RIN2: variants seen among roughly 807,000 people sequenced by gnomAD.
RIN2 encodes the protein RAB5 interacting protein 2.
RIN2 carries 36 observed loss-of-function variants against 78.0 expected under a neutral mutation model. The ratio of observed to expected loss-of-function variants is 0.46; its 90% CI spans 0.35 to 0.61. RIN2 has a LOEUF of 0.61. Among genes scored for constraint, RIN2 ranks in the 20% least tolerant of loss-of-function variants. The pLI is 0.00. For synonymous variants in RIN2, 466 were observed against 466.8 expected (o/e 1.00, Z 0.02); for missense variants, 1,087 against 1,159.7 (o/e 0.94, Z 0.91).
chr20:19,911,481 T>G (rs1015472775), intron 3 of RIN2, among the ~76,000 whole-genome samples: 1 of 152,204 alleles, frequency 6.6e-6, no homozygotes, highest in African/African-American at 2.4e-5. Flanking sequence ...TATCTCTAAA[T>G]CCTCCTTGTG....
chr20:19,828,556 C>T (rs563150473), intron 2 of RIN2, among the ~76,000 whole-genome samples: 3 of 152,322 alleles, frequency 2.0e-5, no homozygotes, highest in African/African-American at 7.2e-5. Context: ...ATCCTGTCAT[C>T]ACAGTAGCCC....
chr20:19,980,303 C>T (rs2042406570), intron 9 of RIN2, among the ~76,000 whole-genome samples: 1 of 152,020 alleles, frequency 6.6e-6, no homozygotes, highest in Non-Finnish European at 1.5e-5. Flanking sequence ...CTTGGTTTTC[C>T]CCTGTGGGAC....
At chr20:19,912,420 G>A (rs1305737345) in intron 3 of RIN2, among the ~76,000 whole-genome samples, 1 of 151,360 alleles carries the variant, frequency 6.6e-6, no homozygotes, top group Non-Finnish European at 1.5e-5. Context: ...TTCCCATCAG[G>A]AAAAGCCCCT....
At chr20:19,966,341 A>G (rs1338908015) in intron 7 of RIN2, among the ~76,000 whole-genome samples, 1 of 134,094 alleles carries the variant, frequency 7.5e-6, no homozygotes, top group Non-Finnish European at 1.6e-5. Flanking sequence ...TTTTTTTTTG[A>G]GATGGAGTTT....
rs1196706125 is a variant in RIN2 at position 19,935,205 on chromosome 20, C to T, written c.158+6C>T. The T allele has an allele frequency of 1.9e-6, 3 of 1,589,970 alleles. No individual in the cohort carries two copies. Among genetic ancestry groups the T allele is most frequent in the Non-Finnish European group, 2.6e-6 (3 of 1,167,862 alleles). Reference sequence around the variant, plus strand: ...GAACCCGCTGAAACCCACAGGTGACCAGAGACACGGTTAGGTGATGGGTGC... The same window carrying T: ...GAACCCGCTGAAACCCACAGGTGACTAGAGACACGGTTAGGTGATGGGTGC... On this transcript the variant is annotated splice_donor_region_variant and intron_variant, in intron 4 of 12. Transcript: ENST00000255006.
At chr20:19,823,349 G>T in intron 2 of RIN2, 1 of 604,770 alleles carries the variant, frequency 1.7e-6, no homozygotes, top group South Asian at 2.0e-5. Context: ...GTCATTCTCT[G>T]AGCAAGTGAG....
chr20:19,997,007 A>G (rs2042990206), intron 12 of RIN2, among the ~76,000 whole-genome samples, 165 bp downstream of exon 12: 1 of 152,096 alleles, frequency 6.6e-6, no homozygotes, highest in South Asian at 2.1e-4. Context: ...TTTTCTTTAC[A>G]TTTATATACG....
At chr20:19,847,839 G>A (rs931242046) in intron 2 of RIN2, among the ~76,000 whole-genome samples, 1 of 152,066 alleles carries the variant, frequency 6.6e-6, no homozygotes, top group African/African-American at 2.4e-5. Flanking sequence ...CTACTGATCA[G>A]TTCTGCTCTA....
intron 5 of RIN2, among the ~76,000 whole-genome samples, chr20:19,960,399 G>GTCC (rs1024857382): frequency 5.3e-5 from 8 of 152,296 alleles, no homozygotes; most frequent in African/African-American, 1.9e-4. Context: ...GCTGGAGACC[G>GTCC]TAACTCCAGC....
chr20:19,935,251 C>A, intron 4 of RIN2, 52 bp downstream of exon 4: 1 of 1,471,404 alleles, frequency 6.8e-7, no homozygotes, highest in Non-Finnish European at 9.3e-7. Flanking sequence ...TCGAGTGAAC[C>A]CTGGCACTGC....
intron 1 of RIN2, among the ~76,000 whole-genome samples, chr20:19,797,368 A>G (rs1461547632): frequency 6.6e-6 from 1 of 152,224 alleles, no homozygotes. Context: ...AATTATATTC[A>G]TTTACATTCT....
intron 2 of RIN2, among the ~76,000 whole-genome samples, chr20:19,841,425 T>C (rs1474211675): frequency 6.6e-6 from 1 of 152,078 alleles, no homozygotes; most frequent in Non-Finnish European, 1.5e-5. Context: ...CGCAGCCCCA[T>C]AGATTTTGCC....
intron 2 of RIN2, among the ~76,000 whole-genome samples, chr20:19,865,078 G>C (rs2037460280): frequency 6.6e-6 from 1 of 152,184 alleles, no homozygotes; most frequent in South Asian, 2.1e-4. Flanking sequence ...ATGGTTTGCT[G>C]TAAATGTTTA....
intron 1 of RIN2, among the ~76,000 whole-genome samples, chr20:19,781,028 G>A (rs753656070): frequency 4.6e-5 from 7 of 152,212 alleles, no homozygotes; most frequent in Non-Finnish European, 1.0e-4. Context: ...TCTTGGTTGG[G>A]TGGCTCTTCT....
intron 9 of RIN2, among the ~76,000 whole-genome samples, chr20:19,983,384 A>G (rs1403785997): frequency 6.6e-6 from 1 of 152,214 alleles, no homozygotes; most frequent in African/African-American, 2.4e-5. Context: ...GCCATCTGTA[A>G]AATGAATGAC....
At chr20:19,972,976 G>A (rs964034823) in intron 8 of RIN2, among the ~76,000 whole-genome samples, 6 of 151,712 alleles carry the variant, frequency 4.0e-5, no homozygotes, top group African/African-American at 1.5e-4. Context: ...AAATTTTAAG[G>A]TATGAAATGT....
intron 2 of RIN2, among the ~76,000 whole-genome samples, chr20:19,856,531 T>G (rs1269121797): frequency 8.1e-6 from 1 of 124,060 alleles, no homozygotes; most frequent in African/African-American, 3.2e-5. Flanking sequence ...AGACTTTGTC[T>G]CAGAAAAAAA....
At chr20:19,763,427 A>G (rs1030968825) in intron 1 of RIN2, among the ~76,000 whole-genome samples, 7 of 150,954 alleles carry the variant, frequency 4.6e-5, no homozygotes, top group African/African-American at 1.7e-4. Context: ...TATGTATATC[A>G]GCACAGAGAA....
chr20:19,991,076 G>A (rs910748042), intron 10 of RIN2, among the ~76,000 whole-genome samples: 4 of 152,092 alleles, frequency 2.6e-5, no homozygotes, highest in African/African-American at 9.7e-5. Context: ...AGACGATTAC[G>A]AACTTTTCTT....
Sources: gnomAD v4.1 joint callset for allele counts (sites outside exome capture counted in the v4.1 genomes callset) on GRCh38, gnomAD v4.1.1 for gene constraint, MANE v1.5 for transcripts, NCBI Gene and HGNC (gene_info 2026-07-23, HGNC 2026-07-21) for gene names.